The following LOXL2 variants were observed in gnomAD, a reference collection of about 807,000 sequenced individuals.
LOXL2 encodes lysyl oxidase homolog 2.
LOXL2 carries 70 observed loss-of-function variants against 93.0 expected under a neutral mutation model. That is an observed-to-expected ratio of 0.75 (90% CI 0.62 to 0.92). The LOEUF (loss-of-function observed/expected upper bound fraction) is 0.92. LOXL2 is among the 40% of genes least tolerant of loss of function. The probability of loss-of-function intolerance (pLI) is 0.00; values close to 1 mark genes in which losing one functional copy is unlikely to be tolerated. For missense variants in LOXL2, 973 were observed against 1,054.9 expected, an observed-to-expected ratio of 0.92 and a Z score of 1.08; for synonymous variants, 438 against 413.2, an observed-to-expected ratio of 1.06 and a Z score of -0.73.
At chr8:23,309,301 ATT>A (rs1184923507) in intron 10 of LOXL2, among the ~76,000 whole-genome samples, 1 of 152,184 alleles carries the variant, frequency 6.6e-6, no homozygotes, top group Non-Finnish European at 1.5e-5. Context: ...TTCTAAAGGA[ATT>A]TAGAGTCCAG....
chr8:23,339,464 C>T lies in LOXL2; in HGVS notation c.743+1528G>A, dbSNP rs115594390. Among the ~76,000 whole-genome samples the T allele has an allele frequency of 3.4e-3, 520 of 152,284 alleles. 2 individuals carry two copies. The highest frequency in any genetic ancestry group is 0.012 in the African/African-American group (500 of 41,556). On this transcript the variant is annotated intron_variant, in intron 4 of 13. Coordinates refer to ENST00000389131, the MANE Select transcript of LOXL2 (RefSeq NM_002318.3). ...AGCACGTGACAGGATTACCCAGGGC[C>T]CAGCTGCCGAAACTGGCCTGAGATC... is the stretch of plus-strand genomic sequence containing the variant.
intron 1 of LOXL2, among the ~76,000 whole-genome samples, chr8:23,379,076 C>T (rs1169419874): frequency 7.9e-5 from 12 of 152,278 alleles, no homozygotes; most frequent in East Asian, 1.9e-4. Context: ...TATCTACCTT[C>T]GGTCCTTGAT....
At chr8:23,367,341 G>T (rs866940348) in intron 2 of LOXL2, among the ~76,000 whole-genome samples, 1 of 152,106 alleles carries the variant, frequency 6.6e-6, no homozygotes, top group Non-Finnish European at 1.5e-5. Context: ...GAGCCACTGC[G>T]CCTGGCCAGC....
intron 10 of LOXL2, among the ~76,000 whole-genome samples, chr8:23,305,784 C>T (rs193006167): frequency 1.4e-4 from 22 of 151,846 alleles, no homozygotes; most frequent in Admixed American, 1.3e-3. Flanking sequence ...AGCCTTCTAC[C>T]GTGAGACTCC....
rs148114628 is a variant in LOXL2, at chr8:23,332,828, C to CCA, written c.966+571_966+572dup. 1.7e-3 allele frequency among the ~76,000 whole-genome samples: 178 copies of CCA among 105,332 alleles called. 8 individuals are homozygous for CCA. In the East Asian group the frequency reaches 0.039, roughly 23 times the overall value. The allele number at this position is 105,332 out of a possible 152,430, so 69.1% of individuals were successfully genotyped here. A position where few individuals can be genotyped will look rare whatever the true frequency, so the allele number is the denominator to read the frequency against. ...CTCATACACCCCCACTCATACACAC[C>CCA]CACACACTCACCCCCGCACACATAC... On this transcript the variant is annotated intron_variant, in intron 5 of 13. Coordinates refer to ENST00000389131, the MANE Select transcript of LOXL2 (RefSeq NM_002318.3).
At chr8:23,324,936 G>C (rs1350658050) in intron 6 of LOXL2, among the ~76,000 whole-genome samples, 1 of 152,156 alleles carries the variant, frequency 6.6e-6, no homozygotes, top group Non-Finnish European at 1.5e-5. Flanking sequence ...TTCCTTCTTG[G>C]GGACTGCATG....
At chr8:23,383,903 A>T (rs6995706) in intron 1 of LOXL2, among the ~76,000 whole-genome samples, 1 of 151,550 alleles carries the variant, frequency 6.6e-6, no homozygotes, top group Admixed American at 6.6e-5. Context: ...CTCGTGATCC[A>T]CCCGCCTCGG....
chr8:23,317,073 C>T lies in LOXL2; in HGVS notation c.1512G>A (p.Val504=), dbSNP rs1218645230. The T allele has an allele frequency of 8.1e-6, 13 of 1,614,092 alleles. No homozygotes were observed. The highest frequency in any genetic ancestry group is 1.7e-5 in the Admixed American group (1 of 59,986). The part of the protein sequence containing the change: ...YWHGDVNSNK[V]VMSGVKCSGT... ...CCGAGCACTTCACTCCACTCATGAC[C>T]ACTTTGTTGCTGTTGACATCTCCGT... is the stretch of plus-strand genomic sequence containing the variant. Residue 504 remains valine, a synonymous_variant, in exon 9 of 14, where the codon GTG becomes GTA. Transcript: ENST00000389131.
chr8:23,350,665 C>T lies in LOXL2; in HGVS notation c.531+9425G>A, dbSNP rs370411766. 5.9e-5 allele frequency among the ~76,000 whole-genome samples: 9 copies of T among 152,326 alleles called. No individual in the cohort carries two copies. The East Asian group carries it at 1.2e-3, about 20-fold the overall frequency. On this transcript the variant is annotated intron_variant, in intron 3 of 13. Coordinates refer to ENST00000389131, the MANE Select transcript of LOXL2 (RefSeq NM_002318.3). The stretch of plus-strand genomic sequence containing the variant: ...AGGCATTTCAACAATTTCTGTTCCT[C>T]AGCTCTAGGCAATAGAGGCCAGTGG...
In LOXL2 at chr8:23,399,927, C is replaced by T. The variant is rs569551155; in HGVS notation, c.-84+4027G>A. On this transcript the variant is annotated intron_variant, in intron 1 of 13. Transcript: ENST00000389131. ...TGTCTTGCCACTTCGGAGTTCCTCC[C>T]GTTGGATGGAATCGGGTTGACCAGT... is the stretch of plus-strand genomic sequence containing the variant. 4.6e-5 allele frequency among the ~76,000 whole-genome samples: 7 copies of T among 152,296 alleles called. No individual in the cohort carries two copies. In the East Asian group the frequency reaches 5.8e-4, roughly 13 times the overall value.
At chr8:23,323,707 G>T (rs1269640717) in intron 6 of LOXL2, among the ~76,000 whole-genome samples, 4 of 151,488 alleles carry the variant, frequency 2.6e-5, no homozygotes, top group Non-Finnish European at 5.9e-5. Flanking sequence ...TTTTTTTTTG[G>T]GGGGGTGGGG....
At chr8:23,380,393 A>AG (rs1804665201) in intron 1 of LOXL2, among the ~76,000 whole-genome samples, 1 of 140,624 alleles carries the variant, frequency 7.1e-6, no homozygotes, top group Non-Finnish European at 1.5e-5. Context: ...CTCCGTCTCA[A>AG]AAAAAAAAAA....
intron 9 of LOXL2, among the ~76,000 whole-genome samples, chr8:23,315,685 C>T (rs1015723375): frequency 3.3e-4 from 50 of 152,182 alleles, no homozygotes; most frequent in African/African-American, 1.2e-3. Context: ...AGGAAGCTCA[C>T]TGTGAAATGA....
At chr8:23,364,594 G>A (rs1804366807) in intron 2 of LOXL2, 2 of 152,226 alleles carry the variant, frequency 1.3e-5, no homozygotes, top group Non-Finnish European at 2.9e-5. Flanking sequence ...CTAGCACTGT[G>A]GGAGGCCAAG....
chr8:23,333,302 C>G, intron 5 of LOXL2, 99 bp downstream of exon 5: 1 of 1,144,848 alleles, frequency 8.7e-7, no homozygotes. Flanking sequence ...TCCGCTGAGG[C>G]CACCCTTCCT....
chr8:23,360,186 G>T lies in LOXL2; in HGVS notation c.435C>A (p.Val145=). The part of the protein sequence containing the change: ...LAACTSNGWG[V]TDCKHTEDVG... Reference sequence around the variant, plus strand: ...CATCCTCCGTGTGCTTGCAGTCAGTGACGCCCCAGCCATTGGAGGTGCATG... The same window carrying T: ...CATCCTCCGTGTGCTTGCAGTCAGTTACGCCCCAGCCATTGGAGGTGCATG... Residue 145 remains valine, a synonymous_variant, in exon 3 of 14, where the codon GTC becomes GTA. Transcript: ENST00000389131. 6.2e-7 allele frequency: 1 copy of T among 1,614,134 alleles called. No homozygotes were observed. Among genetic ancestry groups the T allele is most frequent in the Non-Finnish European group, 8.5e-7 (1 of 1,179,982 alleles).
chr8:23,339,455 A>G (rs1803845725), intron 4 of LOXL2, among the ~76,000 whole-genome samples: 1 of 152,180 alleles, frequency 6.6e-6, no homozygotes, highest in South Asian at 2.1e-4. Context: ...TGACAGGATT[A>G]CCCAGGGCCC....
chr8:23,358,457 C>A (rs372820982), intron 3 of LOXL2, among the ~76,000 whole-genome samples: 1 of 152,350 alleles, frequency 6.6e-6, no homozygotes, highest in Non-Finnish European at 1.5e-5. Flanking sequence ...TTCAAGTCAC[C>A]TTTCTTCTGC....
At chr8:23,320,252 AC>A (rs1240222534) in intron 7 of LOXL2, among the ~76,000 whole-genome samples, 200 bp from the exon 8 acceptor site, 1 of 152,080 alleles carries the variant, frequency 6.6e-6, no homozygotes, top group Non-Finnish European at 1.5e-5. Context: ...CACCCCAGGC[AC>A]CCTAAGCAGC....
Sources: allele counts gnomAD v4.1 joint callset (sites outside exome capture counted in the v4.1 genomes callset), GRCh38; gene constraint gnomAD v4.1.1; transcripts MANE v1.5; gene names NCBI Gene and HGNC (gene_info 2026-07-23, HGNC 2026-07-21).